The following HNRNPU variants were observed in gnomAD, a reference collection of about 807,000 sequenced individuals.
HNRNPU encodes the protein HNRNPU antisense RNA 1.
Under a neutral mutation model 94.7 loss-of-function variants are expected in HNRNPU, and 5 were observed. The ratio of observed to expected loss-of-function variants is 0.05; its 90% CI spans 0.03 to 0.11. The LOEUF (loss-of-function observed/expected upper bound fraction) is 0.11. Among genes scored for constraint, HNRNPU ranks in the 10% least tolerant of loss-of-function variants. The pLI is 1.00. For missense variants in HNRNPU, 710 were observed against 1,049.2 expected, an observed-to-expected ratio of 0.68 and a Z score of 4.47; for synonymous variants, 434 against 381.6, an observed-to-expected ratio of 1.14 and a Z score of -1.60.
chr1:244,857,661 A>T lies in HNRNPU; in HGVS notation c.1551T>A (p.His517Gln). 6.2e-7 allele frequency: 1 copy of T among 1,613,470 alleles called. No homozygotes were observed. The highest frequency in any genetic ancestry group is 1.1e-5 in the South Asian group (1 of 91,066). Residue 517 changes from histidine to glutamine, a missense_variant, in exon 8 of 14, where the codon CAT becomes CAA. Physicochemically the swap from His to Gln is conservative, Grantham distance 24 (BLOSUM62 0). Coordinates refer to ENST00000640218, the MANE Select transcript of HNRNPU (RefSeq NM_031844.3). ...TATATTTCCCTGGATTTTCTGCTGC[A>T]TGTTTAGTAACCCAGGTAGTTTTTC... ...GAGKTTWVTK[H>Q]AAENPGKYNI...
chr1:244,863,499 C>A, intron 1 of HNRNPU, 118 bp downstream of exon 1: 1 of 1,194,528 alleles, frequency 8.4e-7, no homozygotes, highest in Non-Finnish European at 1.1e-6. Context: ...CCCCCACCCT[C>A]ACCGCGGCGC....
intron 11 of HNRNPU, 85 bp downstream of exon 11, chr1:244,855,815 TGAGG>T: frequency 6.8e-7 from 1 of 1,470,732 alleles, no homozygotes; most frequent in Non-Finnish European, 9.3e-7. Context: ...ATACCATTAA[TGAGG>T]AAGAAACTTC....
In HNRNPU at chr1:244,863,830, C is replaced by T. The variant is rs1322682341; in HGVS notation, c.478G>A (p.Glu160Lys). 6.2e-7 allele frequency: 1 copy of T among 1,611,090 alleles called. No homozygotes were observed. The highest frequency in any genetic ancestry group is 8.5e-7 in the Non-Finnish European group (1 of 1,179,192). The change falls in exon 1 of 14, where the codon GAG becomes AAG. Residue 160 changes from glutamate (E) to lysine (K), a missense_variant. Transcript: ENST00000640218. The stretch of plus-strand genomic sequence containing the variant: ...GTCGCCGGCGGTTGAGGCTGCTGCT[C>T]CCCGTGCCCGTTCTCGTCGCCCGCG... ...EGAGDENGHG[E>K]QQPQPPATQQ... is the part of the protein sequence containing the mutation.
chr1:244,857,240 T>C (rs1680704307), intron 8 of HNRNPU: 1 of 223,730 alleles, frequency 4.5e-6, no homozygotes, highest in Non-Finnish European at 8.5e-6. Flanking sequence ...TCTATAATTT[T>C]TCTTTTCTTT....
rs1011412169 is a variant in HNRNPU at position 244,851,712 on chromosome 1, T to G, written c.*2738A>C. 3 of 152,230 alleles carry G rather than the reference T, an allele frequency of 2.0e-5. No homozygotes were observed. Among genetic ancestry groups the G allele is most frequent in the African/African-American group, 7.2e-5 (3 of 41,448 alleles). The allele number at this position is 152,230 out of a possible 1,614,324, so 9.4% of individuals were successfully genotyped here. ...CTTGTCATTTCAATGTCAAATTGAT[T>G]TGACTCAATTTCATGATTTCATCTC... On this transcript the variant is annotated 3_prime_UTR_variant, in exon 14 of 14. Transcript: ENST00000640218.
rs1401273714 is a variant in HNRNPU at position 244,852,350 on chromosome 1, A to G, written c.*2100T>C. 3.9e-5 allele frequency: 6 copies of G among 152,182 alleles called. No individual in the cohort carries two copies. The highest frequency in any genetic ancestry group is 1.4e-4 in the African/African-American group (6 of 41,442). The allele number at this position is 152,182 out of a possible 1,614,324, so 9.4% of individuals were successfully genotyped here. ...CTGGGCTAAACAGGCATGATAGTCT[A>G]CCTAGTGTTACTTGACCATTACTTT... On this transcript the variant is annotated 3_prime_UTR_variant, in exon 14 of 14. Coordinates refer to ENST00000640218, the MANE Select transcript of HNRNPU (RefSeq NM_031844.3).
intron 3 of HNRNPU, 200 bp downstream of exon 3, chr1:244,862,261 C>A: frequency 1.9e-6 from 1 of 514,586 alleles, no homozygotes; most frequent in Non-Finnish European, 3.4e-6. Context: ...ACTCCTAGAG[C>A]CTGTAAAATA....
chr1:244,862,448 C>T lies in HNRNPU; in HGVS notation c.877+13G>A. 7.3e-7 allele frequency: 1 copy of T among 1,373,044 alleles called. No homozygotes were observed. The highest frequency in any genetic ancestry group is 1.0e-6 in the Non-Finnish European group (1 of 1,001,126). The allele number at this position is 1,373,044 out of a possible 1,614,324, so 85.1% of individuals were successfully genotyped here. ...ACCGCATTTCATAATTGGGGAGAAA[C>T]AGCTTCACTTACAAGTATCAAGACA... On this transcript the variant is annotated intron_variant, in intron 3 of 13. Transcript: ENST00000640218.
At position 244,858,826 on chromosome 1, in the gene HNRNPU, G is replaced by C; in HGVS notation, c.1133C>G (p.Ser378Cys). The part of the protein sequence containing the change: ...SGMLLGEEEF[S>C]YGYSLKGIKT... ...TATTCCTTTTAGAGAATACCCATAA[G>C]AAAATTCTTCTTCACCTAAGAAAAT... The change falls in exon 6 of 14, where the codon TCT (serine) becomes TGT (cysteine). Residue 378 changes from serine to cysteine, a missense_variant. This residue lies in a region of HNRNPU where 150 missense variants were observed against 187.9 expected (regional missense o/e 0.80). Coordinates refer to ENST00000640218, the MANE Select transcript of HNRNPU (RefSeq NM_031844.3). The C allele has an allele frequency of 6.6e-7, 1 of 1,503,864 alleles. No homozygotes were observed. Among genetic ancestry groups the C allele is most frequent in the Non-Finnish European group, 9.2e-7 (1 of 1,082,928 alleles). The allele number at this position is 1,503,864 out of a possible 1,614,324, so 93.2% of individuals were successfully genotyped here.
intron 7 of HNRNPU, 144 bp downstream of exon 7, chr1:244,857,867 C>A: frequency 3.8e-6 from 5 of 1,302,568 alleles, no homozygotes; most frequent in Admixed American, 2.4e-5. Flanking sequence ...TAACAGTCAA[C>A]ATAAGGGGGA....
intron 12 of HNRNPU, 42 bp from the exon 13 acceptor site, chr1:244,855,086 G>T: frequency 1.3e-6 from 2 of 1,506,392 alleles, no homozygotes; most frequent in South Asian, 1.1e-5. Context: ...GAGCCCAATT[G>T]CTTGTTAGGT....
At chr1:244,855,133 T>A in intron 12 of HNRNPU, 89 bp from the exon 13 acceptor site, 1 of 1,016,028 alleles carries the variant, frequency 9.8e-7, no homozygotes, top group Non-Finnish European at 1.6e-6. Context: ...AATGGACAGG[T>A]TGCTAGCCCC....
Position 244,852,942 on chromosome 1 carries a change from T to C in HNRNPU, c.*1508A>G, listed in dbSNP as rs1222518596. The C allele has an allele frequency of 6.6e-6, 1 of 152,606 alleles. No homozygotes were observed. The highest frequency in any genetic ancestry group is 1.5e-5 in the Non-Finnish European group (1 of 68,008). The allele number at this position is 152,606 out of a possible 1,614,324, so 9.5% of individuals were successfully genotyped here. A position where few individuals can be genotyped will look rare whatever the true frequency, so the allele number is the denominator to read the frequency against. Reference sequence around the variant, plus strand: ...CTGTGCAAACCCAATATAATTACAATTAGGGGATCTAATGTTATTACATAG... The same window carrying C: ...CTGTGCAAACCCAATATAATTACAACTAGGGGATCTAATGTTATTACATAG... On this transcript the variant is annotated 3_prime_UTR_variant, in exon 14 of 14. Coordinates refer to ENST00000640218, the MANE Select transcript of HNRNPU (RefSeq NM_031844.3).
At position 244,852,423 on chromosome 1, in the gene HNRNPU, G is replaced by A. The variant is rs533720588; in HGVS notation, c.*2027C>T. 10 of 152,204 alleles carry A rather than the reference G, an allele frequency of 6.6e-5. No homozygotes were observed. In the East Asian group the frequency reaches 1.7e-3, roughly 26 times the overall value. The allele number at this position is 152,204 out of a possible 1,614,324, so 9.4% of individuals were successfully genotyped here. ...TTCCTTAATAAGCAATTTTAAACTA[G>A]AAGATATATCCAAAACTTTTTAAAG... On this transcript the variant is annotated 3_prime_UTR_variant, in exon 14 of 14. Transcript: ENST00000640218.
rs1680934380 is a variant in HNRNPU, at chr1:244,864,081, T to C, written c.227A>G (p.Gln76Arg). 6.2e-7 allele frequency: 1 copy of C among 1,600,074 alleles called. No homozygotes were observed. Among genetic ancestry groups the C allele is most frequent in the Non-Finnish European group, 8.5e-7 (1 of 1,173,654 alleles). Reference sequence around the variant, plus strand: ...TTCATCGCCGCCGGCCGCGGCCTCCTGCTCGAGGCCTGCTCCCGAGCGCCC... The same window carrying C: ...TTCATCGCCGCCGGCCGCGGCCTCCCGCTCGAGGCCTGCTCCCGAGCGCCC... ...SAGRSGAGLE[Q>R]EAAAGGDEEE... Residue 76 changes from glutamine (Q) to arginine (R), a missense_variant, in exon 1 of 14, where the codon CAG becomes CGG. By Grantham distance (43) the Gln-to-Arg change is conservative. Coordinates refer to ENST00000640218, the MANE Select transcript of HNRNPU (RefSeq NM_031844.3).
chr1:244,855,814 A>T lies in HNRNPU; in HGVS notation c.2167+90T>A, dbSNP rs567555188. ...TAGTTACTGTGACAGTATACCATTA[A>T]TGAGGAAGAAACTTCAGCTACATCC... On this transcript the variant is annotated intron_variant, in intron 11 of 13. Coordinates refer to ENST00000640218, the MANE Select transcript of HNRNPU (RefSeq NM_031844.3). 3.0e-5 allele frequency: 44 copies of T among 1,464,238 alleles called. No homozygotes were observed. In the African/African-American group the frequency reaches 5.5e-4, roughly 18 times the overall value. 90.7% of individuals were successfully genotyped at this position (1,464,238 alleles called of 1,614,324 possible). A position where few individuals can be genotyped will look rare whatever the true frequency, so the allele number is the denominator to read the frequency against.
chr1:244,856,947 G>A, intron 8 of HNRNPU, 91 bp from the exon 9 acceptor site: 6 of 1,050,594 alleles, frequency 5.7e-6, no homozygotes, highest in Admixed American at 2.4e-5. Flanking sequence ...ATGTAAAGCA[G>A]GCAACATTTT....
Position 244,854,341 on chromosome 1 carries a change from C to G in HNRNPU, c.*109G>C. On this transcript the variant is annotated 3_prime_UTR_variant, in exon 14 of 14. Coordinates refer to ENST00000640218, the MANE Select transcript of HNRNPU (RefSeq NM_031844.3). Reference sequence around the variant, plus strand: ...ACAAAGCTTCTAAAAAAGGAACCCGCAGGCACTTCCTCTTGTGGAATGTTT... The same window carrying G: ...ACAAAGCTTCTAAAAAAGGAACCCGGAGGCACTTCCTCTTGTGGAATGTTT... The G allele has an allele frequency of 2.6e-6, 2 of 764,256 alleles. No homozygotes were observed. The highest frequency in any genetic ancestry group is 4.6e-6 in the Non-Finnish European group (2 of 438,978). 47.3% of individuals were successfully genotyped at this position (764,256 alleles called of 1,614,324 possible).
intron 11 of HNRNPU, 36 bp from the exon 12 acceptor site, chr1:244,855,644 T>G: frequency 6.3e-7 from 1 of 1,595,500 alleles, no homozygotes; most frequent in Non-Finnish European, 8.6e-7. Flanking sequence ...TCATTGTATA[T>G]TGTACCCTAC....
Sources: allele counts gnomAD v4.1 joint callset, GRCh38; gene constraint gnomAD v4.1.1; regional missense constraint gnomAD v4.1.1; transcripts MANE v1.5; gene names NCBI Gene and HGNC (gene_info 2026-07-23, HGNC 2026-07-21).